PCDHGB5: variants seen among roughly 807,000 people sequenced by gnomAD.
PCDHGB5 encodes protocadherin gamma-B5.
PCDHGB5 carries 48 observed loss-of-function variants against 62.9 expected under a neutral mutation model. The observed-to-expected ratio is 0.76, with a 90% confidence interval of 0.61 to 0.97. PCDHGB5 has a LOEUF of 0.97. Ranked by LOEUF, PCDHGB5 falls within the 50% of genes least tolerant of loss-of-function variation. PCDHGB5 has a pLI of 0.00. For synonymous variants in PCDHGB5, 474 were observed against 511.2 expected (o/e 0.93, Z 0.98); for missense variants, 1,118 against 1,198.6 (o/e 0.93, Z 0.99).
chr5:141,467,993 C>A (rs984508296), intron 1 of PCDHGB5, among the ~76,000 whole-genome samples: 1 of 152,058 alleles, frequency 6.6e-6, no homozygotes, highest in Admixed American at 6.6e-5. Context: ...AACCACAATT[C>A]TTTCTTCCTC....
rs761227475 is a variant in PCDHGB5 at position 141,489,382 on chromosome 5, G to A, written c.2398-5425G>A. 4 of 1,613,872 alleles carry A rather than the reference G, an allele frequency of 2.5e-6. No homozygotes were observed. The highest frequency in any genetic ancestry group is 1.7e-5 in the Admixed American group (1 of 60,006). On this transcript the variant is annotated intron_variant, in intron 1 of 3. Coordinates refer to ENST00000617380, the MANE Select transcript of PCDHGB5 (RefSeq NM_018925.3). The surrounding 1 kb of genome is among the most constrained non-coding windows in gnomAD (Gnocchi z 4.5). ...TGAGCCGGGGACGCTGGTGGGGAATGTTGCTCAGGATCTGGGCTTAAAGAT... is the reference window on the plus strand; with the variant it reads ...TGAGCCGGGGACGCTGGTGGGGAATATTGCTCAGGATCTGGGCTTAAAGAT...
intron 1 of PCDHGB5, chr5:141,421,033 C>T (rs915028623): frequency 2.4e-5 from 13 of 533,788 alleles, no homozygotes; most frequent in Non-Finnish European, 6.5e-6. Context: ...CCATTGAGTC[C>T]CTCCCTCCCC....
chr5:141,421,457 C>T (rs377073702), intron 1 of PCDHGB5: 9 of 1,614,014 alleles, frequency 5.6e-6, no homozygotes, highest in African/African-American at 2.7e-5. Flanking sequence ...CAGCTTTTCG[C>T]TGTGAATCCG....
chr5:141,415,264 C>T, intron 1 of PCDHGB5: 3 of 1,614,210 alleles, frequency 1.9e-6, no homozygotes, highest in South Asian at 1.1e-5. Flanking sequence ...CACTCTGTAC[C>T]TGGTGGTAGC....
chr5:141,408,506 T>C, intron 1 of PCDHGB5: 2 of 1,614,010 alleles, frequency 1.2e-6, no homozygotes, highest in Non-Finnish European at 1.7e-6. Flanking sequence ...GAGAAGAAGA[T>C]GTGAGTTGCA....
chr5:141,402,949 A>C, intron 1 of PCDHGB5: 2 of 1,594,986 alleles, frequency 1.3e-6, no homozygotes, highest in South Asian at 1.1e-5. Flanking sequence ...AAAGCGAGGC[A>C]GCAATGGCAG....
intron 1 of PCDHGB5, among the ~76,000 whole-genome samples, chr5:141,455,907 ATTTATTTT>A (rs1199495676): frequency 7.1e-5 from 9 of 126,872 alleles, no homozygotes; most frequent in African/African-American, 1.1e-4. Context: ...TTATTTATTT[ATTTATTTT>A]GAGACGGAGT....
chr5:141,421,578 T>G, intron 1 of PCDHGB5: 1 of 1,613,886 alleles, frequency 6.2e-7, no homozygotes, highest in Non-Finnish European at 8.5e-7. Flanking sequence ...CCTTGAAGAT[T>G]TACGGAGTGG....
Position 141,397,962 on chromosome 5 carries a change from A to T in PCDHGB5, c.-166A>T. 2 of 1,037,030 alleles carry T rather than the reference A, an allele frequency of 1.9e-6. No individual in the cohort carries two copies. Among genetic ancestry groups the T allele is most frequent in the Admixed American group, 2.9e-5 (1 of 34,172 alleles). 64.2% of individuals were successfully genotyped at this position (1,037,030 alleles called of 1,614,324 possible). ...GCTTTCCAGGGCAGCCCCAGCTCAG[A>T]CTCCCCAGCGCCGGCCTTTACACCG... On this transcript the variant is annotated 5_prime_UTR_variant, in exon 1 of 4. Coordinates refer to ENST00000617380, the MANE Select transcript of PCDHGB5 (RefSeq NM_018925.3).
chr5:141,430,885 C>G, intron 1 of PCDHGB5: 1 of 1,605,218 alleles, frequency 6.2e-7, no homozygotes, highest in Non-Finnish European at 8.5e-7. Context: ...TGGAGAAAGG[C>G]TCTAGGGTGG....
In PCDHGB5 at chr5:141,487,715, C is replaced by T. The variant is rs1209272301; in HGVS notation, c.2398-7092C>T. 2.5e-6 allele frequency: 4 copies of T among 1,582,708 alleles called. No individual in the cohort carries two copies. The highest frequency in any genetic ancestry group is 1.8e-5 in the Admixed American group (1 of 54,696). The stretch of plus-strand genomic sequence containing the variant: ...GAGTACTGGCCTCTCAGTAAGTGCC[C>T]ATAGTGATGTCACCATTTTTGTAAG... On this transcript the variant is annotated intron_variant, in intron 1 of 3. Transcript: ENST00000617380. This position sits in a 1 kb window ranked among gnomAD's most constrained non-coding sequence, Gnocchi z 5.0.
intron 1 of PCDHGB5, among the ~76,000 whole-genome samples, chr5:141,437,980 C>T (rs1198278358): frequency 1.3e-5 from 2 of 152,050 alleles, no homozygotes; most frequent in Non-Finnish European, 2.9e-5. Flanking sequence ...TTGGGATGCA[C>T]CCACCCCACC....
In PCDHGB5 at chr5:141,489,203, C is replaced by A; in HGVS notation, c.2398-5604C>A. On this transcript the variant is annotated intron_variant, in intron 1 of 3. Transcript: ENST00000617380. The surrounding 1 kb of genome is among the most constrained non-coding windows in gnomAD (Gnocchi z 4.5). ...CCCTGGGTCTACCTTGGAGACAGGA[C>A]AGCACAGACTTACTCTCCACAAAGG... is the stretch of plus-strand genomic sequence containing the variant. 7.1e-7 allele frequency: 1 copy of A among 1,414,834 alleles called. No individual in the cohort carries two copies. Among genetic ancestry groups the A allele is most frequent in the Non-Finnish European group, 9.6e-7 (1 of 1,040,052 alleles). The allele number at this position is 1,414,834 out of a possible 1,614,324, so 87.6% of individuals were successfully genotyped here.
intron 1 of PCDHGB5, among the ~76,000 whole-genome samples, chr5:141,450,022 T>TTTTC: frequency 6.7e-6 from 1 of 149,424 alleles, no homozygotes; most frequent in Admixed American, 6.7e-5. Context: ...TTTTTTTTTT[T>TTTTC]TTGAGACAGG....
At chr5:141,494,922 C>T (rs1401836511) in intron 2 of PCDHGB5, 57 bp downstream of exon 2, 23 of 1,613,670 alleles carry the variant, frequency 1.4e-5, no homozygotes, top group Non-Finnish European at 1.9e-5. Flanking sequence ...TCAGGGATGA[C>T]GTGGGAGGAG....
chr5:141,437,000 G>A (rs1197061999), intron 1 of PCDHGB5, among the ~76,000 whole-genome samples: 1 of 152,198 alleles, frequency 6.6e-6, no homozygotes, highest in Non-Finnish European at 1.5e-5. Flanking sequence ...TTACTTCAAT[G>A]GGATCTTAGA....
intron 1 of PCDHGB5, chr5:141,413,577 T>C (rs752007520): frequency 2.5e-6 from 4 of 1,613,836 alleles, no homozygotes; most frequent in Non-Finnish European, 3.4e-6. Context: ...ATGACAATGC[T>C]CCAAAATTCC....
chr5:141,474,847 GCCTTCT>G (rs906863967), intron 1 of PCDHGB5, among the ~76,000 whole-genome samples: 3 of 152,198 alleles, frequency 2.0e-5, no homozygotes, highest in African/African-American at 7.2e-5. Context: ...CACTTTACCT[GCCTTCT>G]TCATTTAATA....
intron 1 of PCDHGB5, among the ~76,000 whole-genome samples, chr5:141,463,534 C>T (rs866525322): frequency 2.6e-4 from 39 of 148,938 alleles, no homozygotes; most frequent in Admixed American, 7.5e-4. Flanking sequence ...CTAGAAACTC[C>T]GGCTCCCGGG....
Sources: gnomAD v4.1 joint callset for allele counts (sites outside exome capture counted in the v4.1 genomes callset) on GRCh38, gnomAD v4.1.1 for gene constraint, Gnocchi (gnomAD v3.1) non-coding constraint, MANE v1.5 for transcripts, NCBI Gene and HGNC (gene_info 2026-07-23, HGNC 2026-07-21) for gene names.